Variants in CAMTA1 observed in about 807,000 individuals in gnomAD.
The protein encoded by CAMTA1 is calmodulin binding transcription activator 1, also known as calmodulin-binding transcription activator 1.
CAMTA1 carries 27 observed loss-of-function variants against 170.9 expected under a neutral mutation model. The observed-to-expected ratio is 0.16, with a 90% confidence interval of 0.12 to 0.22. The LOEUF (loss-of-function observed/expected upper bound fraction) is 0.22. Ranked by LOEUF, CAMTA1 falls within the 10% of genes least tolerant of loss-of-function variation. The pLI is 1.00. For missense variants in CAMTA1, 1,619 were observed against 2,217.2 expected (o/e 0.73, Z 5.42); for synonymous variants, 833 against 891.5 (o/e 0.93, Z 1.17).
In CAMTA1 at chr1:7,598,827, T is replaced by G. The variant is rs548665110; in HGVS notation, c.511-41573T>G. On this transcript the variant is annotated intron_variant, in intron 6 of 22. Coordinates refer to ENST00000303635, the MANE Select transcript of CAMTA1 (RefSeq NM_015215.4). ...TAAATTTGTTTCAGTTCATTGTAGA[T>G]TCTGGATATTAGCCCTTTGTCAGAT... Among the ~76,000 whole-genome samples the G allele has an allele frequency of 1.1e-4, 16 of 152,354 alleles. No individual in the cohort carries two copies. The South Asian group carries it at 3.1e-3, about 30-fold the overall frequency.
intron 3 of CAMTA1, chr1:6,874,241 A>C (rs1669195596): frequency 6.6e-6 from 1 of 152,274 alleles, no homozygotes; most frequent in Admixed American, 6.5e-5. Flanking sequence ...GCTGAGAGGC[A>C]GTGGTAGTGA....
At chr1:7,023,990 C>T (rs1288479077) in intron 3 of CAMTA1, among the ~76,000 whole-genome samples, 17 of 141,302 alleles carry the variant, frequency 1.2e-4, no homozygotes, top group Non-Finnish European at 2.1e-4. Flanking sequence ...GATTGCGCCA[C>T]GGCACTGCAG....
intron 5 of CAMTA1, among the ~76,000 whole-genome samples, chr1:7,279,103 C>T (rs1671142513): frequency 1.3e-5 from 2 of 152,098 alleles, no homozygotes; most frequent in African/African-American, 2.4e-5. Flanking sequence ...GTACTTAGAG[C>T]GCAGAGCCTG....
intron 7 of CAMTA1, among the ~76,000 whole-genome samples, chr1:7,654,889 C>T (rs2095873551): frequency 6.9e-6 from 1 of 145,328 alleles, no homozygotes; most frequent in Admixed American, 6.9e-5. Context: ...TCTATACACA[C>T]AAATACATCT....
At chr1:7,658,556 G>A (rs905135337) in intron 7 of CAMTA1, among the ~76,000 whole-genome samples, 5 of 152,128 alleles carry the variant, frequency 3.3e-5, no homozygotes, top group Admixed American at 3.3e-4. Flanking sequence ...CTGCCCTGTG[G>A]CCTCTGGAAT....
intron 11 of CAMTA1, among the ~76,000 whole-genome samples, chr1:7,715,004 CTG>C (rs1415907956): frequency 6.6e-6 from 1 of 152,212 alleles, no homozygotes; most frequent in Non-Finnish European, 1.5e-5. Context: ...AGGGTTTAGT[CTG>C]TGTTTTCTGT....
At chr1:7,661,125 C>G (rs938987657) in intron 7 of CAMTA1, among the ~76,000 whole-genome samples, 5 of 152,236 alleles carry the variant, frequency 3.3e-5, no homozygotes, top group African/African-American at 1.2e-4. Context: ...ATGTCCAGGC[C>G]ACGTGGGCCC....
chr1:7,177,615 A>T (rs545288925), intron 4 of CAMTA1, among the ~76,000 whole-genome samples: 1 of 119,654 alleles, frequency 8.4e-6, no homozygotes, highest in East Asian at 2.8e-4. Context: ...ATACACTGAG[A>T]CTCCTCCCAC....
intron 21 of CAMTA1, 138 bp from the exon 22 acceptor site, chr1:7,755,500 C>G (rs1378937440): frequency 1.4e-6 from 1 of 706,896 alleles, no homozygotes; most frequent in Non-Finnish European, 2.5e-6. Context: ...TCACGTACCC[C>G]ACCATCACTC....
At chr1:7,193,811 G>A (rs115524819) in intron 4 of CAMTA1, among the ~76,000 whole-genome samples, 136 of 152,300 alleles carry the variant, frequency 8.9e-4, no homozygotes, top group African/African-American at 3.1e-3. Flanking sequence ...CTTCTCCTCC[G>A]AGTGCTCCTT....
intron 6 of CAMTA1, among the ~76,000 whole-genome samples, chr1:7,492,907 GCA>G (rs1378206058): frequency 1.4e-4 from 19 of 137,246 alleles, no homozygotes; most frequent in African/African-American, 3.5e-4. Flanking sequence ...ATACACACGT[GCA>G]CACACACAAA....
chr1:7,411,389 A>G (rs2090731269), intron 5 of CAMTA1, among the ~76,000 whole-genome samples: 1 of 152,136 alleles, frequency 6.6e-6, no homozygotes. Context: ...AACACAAAAG[A>G]TTAGCCGGGC....
At chr1:7,604,236 C>A (rs889193087) in intron 6 of CAMTA1, among the ~76,000 whole-genome samples, 2 of 152,200 alleles carry the variant, frequency 1.3e-5, no homozygotes, top group African/African-American at 2.4e-5. Context: ...GCCTGCCTTG[C>A]TAGATTGGGG....
chr1:7,246,786 C>T (rs1000603415), intron 4 of CAMTA1, among the ~76,000 whole-genome samples: 1 of 151,078 alleles, frequency 6.6e-6, no homozygotes, highest in Non-Finnish European at 1.5e-5. Flanking sequence ...CCTGCCTCAG[C>T]CTCCTGGGTA....
At position 7,634,102 on chromosome 1, in the gene CAMTA1, A is replaced by G. The variant is rs951870759; in HGVS notation, c.511-6298A>G. Among the ~76,000 whole-genome samples, 4 of 152,178 alleles carry G rather than the reference A, an allele frequency of 2.6e-5. No homozygotes were observed. Among genetic ancestry groups the G allele is most frequent in the African/African-American group, 7.2e-5 (3 of 41,456 alleles). ...TCAGTGCCAAGGAGCCGTCCGGAACAGCCCAACCACGCCTGCTGCTGTTTG... is the reference window on the plus strand; with the variant it reads ...TCAGTGCCAAGGAGCCGTCCGGAACGGCCCAACCACGCCTGCTGCTGTTTG... On this transcript the variant is annotated intron_variant, in intron 6 of 22. Transcript: ENST00000303635. This position sits in a 1 kb window ranked among gnomAD's most constrained non-coding sequence, Gnocchi z 6.2.
At chr1:6,948,775 A>G (rs1438526606) in intron 3 of CAMTA1, among the ~76,000 whole-genome samples, 1 of 152,166 alleles carries the variant, frequency 6.6e-6, no homozygotes, top group Non-Finnish European at 1.5e-5. Flanking sequence ...CAGCTCAGAA[A>G]TGGCAGGGTC....
At chr1:7,206,581 A>G (rs1451137381) in intron 4 of CAMTA1, among the ~76,000 whole-genome samples, 2 of 152,088 alleles carry the variant, frequency 1.3e-5, no homozygotes, top group South Asian at 2.1e-4. Context: ...TAACTCTATT[A>G]TTTATTTTCA....
At chr1:6,992,261 G>A (rs138645738) in intron 3 of CAMTA1, among the ~76,000 whole-genome samples, 2 of 151,266 alleles carry the variant, frequency 1.3e-5, no homozygotes, top group Non-Finnish European at 2.9e-5. Context: ...TTGTAGCAAC[G>A]TGGTCTTGCC....
chr1:7,191,996 T>G (rs1654615450), intron 4 of CAMTA1, among the ~76,000 whole-genome samples: 1 of 152,010 alleles, frequency 6.6e-6, no homozygotes, highest in African/African-American at 2.4e-5. Flanking sequence ...GGGCTGATGT[T>G]CTTGAGATCC....
Sources: gnomAD v4.1 joint callset for allele counts (sites outside exome capture counted in the v4.1 genomes callset) on GRCh38, gnomAD v4.1.1 for gene constraint, Gnocchi (gnomAD v3.1) non-coding constraint, MANE v1.5 for transcripts, NCBI Gene and HGNC (gene_info 2026-07-23, HGNC 2026-07-21) for gene names.